Variants in HAPLN1 observed in about 807,000 individuals in gnomAD.
HAPLN1 encodes Cartilage link protein.
A neutral mutation model predicts 36.5 loss-of-function variants in HAPLN1; 13 were observed. The ratio of observed to expected loss-of-function variants is 0.36; its 90% CI spans 0.23 to 0.57. The LOEUF is 0.57. HAPLN1 is among the 20% of genes least tolerant of loss of function. The pLI, the probability that HAPLN1 is intolerant of heterozygous loss-of-function variation, is 0.83. For missense variants in HAPLN1, 407 were observed against 439.7 expected, an observed-to-expected ratio of 0.93 and a Z score of 0.66; for synonymous variants, 202 against 169.8, an observed-to-expected ratio of 1.19 and a Z score of -1.48.
intron 1 of HAPLN1, among the ~76,000 whole-genome samples, chr5:83,703,993 C>G (rs1751570728): frequency 6.6e-6 from 1 of 151,418 alleles, no homozygotes; most frequent in Admixed American, 6.6e-5. Context: ...TTAAAGACAA[C>G]TAGAGAGAAA....
chr5:83,700,380 C>T (rs4703961), intron 1 of HAPLN1, among the ~76,000 whole-genome samples: 40,581 of 151,920 alleles, frequency 0.27, 6,034 homozygotes, highest in Non-Finnish European at 0.34. Flanking sequence ...GTGACAGTTA[C>T]TGGCTTATAG....
intron 1 of HAPLN1, among the ~76,000 whole-genome samples, chr5:83,686,198 T>A (rs1407382938): frequency 2.7e-5 from 4 of 147,242 alleles, no homozygotes; most frequent in Non-Finnish European, 6.0e-5. Flanking sequence ...ATTACCGATC[T>A]CATTTCTTCC....
intron 1 of HAPLN1, among the ~76,000 whole-genome samples, chr5:83,688,642 CTTTTTTTTT>C (rs539790396): frequency 3.3e-3 from 267 of 80,582 alleles, no homozygotes; most frequent in African/African-American, 7.9e-3. Context: ...GCTTTTGATT[CTTTTTTTTT>C]TTTTTTTTTT....
intron 1 of HAPLN1, among the ~76,000 whole-genome samples, chr5:83,707,601 T>C (rs1004020215): frequency 6.0e-4 from 92 of 152,160 alleles, no homozygotes; most frequent in African/African-American, 2.2e-3. Flanking sequence ...AATTAAAAAC[T>C]TAAATGTAAA....
In HAPLN1 at chr5:83,639,137, A is replaced by G. The variant is rs897053296; in HGVS notation, c.*2359T>C. On this transcript the variant is annotated 3_prime_UTR_variant, in exon 5 of 5. Coordinates refer to ENST00000274341, the MANE Select transcript of HAPLN1 (RefSeq NM_001884.4). The stretch of plus-strand genomic sequence containing the variant: ...ATCTTGGGGAATGAAGTAGGAAAAT[A>G]GACATTTGGTGGAAAAACAGCAAAA... 1.3e-5 allele frequency: 2 copies of G among 152,096 alleles called. 1 individual carries two copies. The highest frequency in any genetic ancestry group is 2.9e-5 in the Non-Finnish European group (2 of 67,934). 9.4% of individuals were successfully genotyped at this position (152,096 alleles called of 1,614,324 possible).
chr5:83,681,223 G>A (rs1750990546), intron 1 of HAPLN1, among the ~76,000 whole-genome samples: 1 of 152,024 alleles, frequency 6.6e-6, no homozygotes, highest in Admixed American at 6.6e-5. Flanking sequence ...AAGGAATTTG[G>A]CACTAAATTA....
At chr5:83,678,220 G>GGTGTGT (rs56962854) in intron 1 of HAPLN1, among the ~76,000 whole-genome samples, 1,610 of 142,610 alleles carry the variant, frequency 0.011, 12 homozygotes, top group African/African-American at 0.019. Flanking sequence ...CTATAGTTTG[G>GGTGTGT]GTGTGTGTGT....
chr5:83,661,030 G>A (rs1294078223), intron 2 of HAPLN1, among the ~76,000 whole-genome samples: 1 of 152,118 alleles, frequency 6.6e-6, no homozygotes, highest in Admixed American at 6.5e-5. Context: ...CTTCCAGAAG[G>A]CAGTTCCTAG....
intron 1 of HAPLN1, 69 bp from the exon 2 acceptor site, chr5:83,673,618 T>G (rs1178666426): frequency 2.4e-6 from 2 of 828,570 alleles, no homozygotes; most frequent in Non-Finnish European, 4.1e-6. Flanking sequence ...ACTGCACAAC[T>G]TATTACCGCC....
rs560389245 is a variant in HAPLN1, at chr5:83,655,927, A to G, written c.101-3103T>C. Among the ~76,000 whole-genome samples the G allele has an allele frequency of 3.3e-5, 5 of 152,308 alleles. No homozygotes were observed. In the South Asian group the frequency reaches 1.0e-3, roughly 32 times the overall value. Reference sequence around the variant, plus strand: ...GAGTGAAGACAGAGGAAAGGGAACCACAGGCGTTGATTACAAACTTTGCAC... The same window carrying G: ...GAGTGAAGACAGAGGAAAGGGAACCGCAGGCGTTGATTACAAACTTTGCAC... On this transcript the variant is annotated intron_variant, in intron 2 of 4. Coordinates refer to ENST00000274341, the MANE Select transcript of HAPLN1 (RefSeq NM_001884.4).
chr5:83,695,642 T>A (rs6869870), intron 1 of HAPLN1, among the ~76,000 whole-genome samples: 1 of 147,054 alleles, frequency 6.8e-6, no homozygotes, highest in Non-Finnish European at 1.5e-5. Flanking sequence ...ATAAATATAT[T>A]TATATATAGA....
rs537936766 is a variant in HAPLN1, at chr5:83,710,612, T to C, written c.-27+10177A>G. Among the ~76,000 whole-genome samples, 10 of 151,652 alleles carry C rather than the reference T, an allele frequency of 6.6e-5. No individual in the cohort carries two copies. The South Asian group carries it at 2.1e-3, about 32-fold the overall frequency. On this transcript the variant is annotated intron_variant, in intron 1 of 4. Coordinates refer to ENST00000274341, the MANE Select transcript of HAPLN1 (RefSeq NM_001884.4). Reference sequence around the variant, plus strand: ...AGAAGGTATGTGACATTAGAAAAGGTTTATGTTTTTAAGATAAAGAAGATT... The same window carrying C: ...AGAAGGTATGTGACATTAGAAAAGGCTTATGTTTTTAAGATAAAGAAGATT...
chr5:83,707,314 C>T (rs1327627042), intron 1 of HAPLN1, among the ~76,000 whole-genome samples: 1 of 152,152 alleles, frequency 6.6e-6, no homozygotes, highest in Admixed American at 6.6e-5. Context: ...GGAAGAATCA[C>T]ATTACCCACC....
At chr5:83,647,992 A>G (rs1749922991) in intron 3 of HAPLN1, among the ~76,000 whole-genome samples, 1 of 152,184 alleles carries the variant, frequency 6.6e-6, no homozygotes. Flanking sequence ...GATAAATACA[A>G]TGGAAGTTTG....
At position 83,638,689 on chromosome 5, in the gene HAPLN1, A is replaced by G. The variant is rs936887936; in HGVS notation, c.*2807T>C. On this transcript the variant is annotated 3_prime_UTR_variant, in exon 5 of 5. Transcript: ENST00000274341. ...TATTGTTGCATAAAATAACACTTTG[A>G]CAGGTACCAGCCCCCTTTCCATGAG... 1.3e-5 allele frequency: 2 copies of G among 152,104 alleles called. No homozygotes were observed. Among genetic ancestry groups the G allele is most frequent in the African/African-American group, 4.8e-5 (2 of 41,452 alleles). The allele number at this position is 152,104 out of a possible 1,614,324, so 9.4% of individuals were successfully genotyped here.
intron 2 of HAPLN1, among the ~76,000 whole-genome samples, chr5:83,670,296 C>T (rs1396879171): frequency 6.6e-6 from 1 of 152,106 alleles, no homozygotes; most frequent in Non-Finnish European, 1.5e-5. Flanking sequence ...AAAGTAGCCA[C>T]ATTGTGACAT....
intron 2 of HAPLN1, among the ~76,000 whole-genome samples, chr5:83,671,002 T>C (rs1750702477): frequency 6.6e-6 from 1 of 152,122 alleles, no homozygotes; most frequent in Non-Finnish European, 1.5e-5. Context: ...TTTCTTTCTT[T>C]CTTTCTTTTT....
At chr5:83,706,103 C>CAAAAAAAAA (rs771717902) in intron 1 of HAPLN1, among the ~76,000 whole-genome samples, 1 of 92,306 alleles carries the variant, frequency 1.1e-5, no homozygotes, top group African/African-American at 4.3e-5. Flanking sequence ...GCCTACCAAT[C>CAAAAAAAAA]GAAAAAAAAA....
At chr5:83,700,488 G>A (rs1379132597) in intron 1 of HAPLN1, among the ~76,000 whole-genome samples, 1 of 152,012 alleles carries the variant, frequency 6.6e-6, no homozygotes, top group East Asian at 1.9e-4. Context: ...TCTGGTGCAG[G>A]CAAGGAGGAA....
Sources: gnomAD v4.1 joint callset for allele counts (sites outside exome capture counted in the v4.1 genomes callset) on GRCh38, gnomAD v4.1.1 for gene constraint, MANE v1.5 for transcripts, NCBI Gene and HGNC (gene_info 2026-07-23, HGNC 2026-07-21) for gene names.